The following ANKHD1 variants were observed in gnomAD, a reference collection of about 807,000 sequenced individuals.
ANKHD1 encodes ankyrin repeat and KH domain containing 1.
In ANKHD1, 31 loss-of-function variants were observed where a neutral mutation model predicts 230.5. That is an observed-to-expected ratio of 0.13 (90% CI 0.10 to 0.18). The LOEUF is 0.18. Ranked by LOEUF, ANKHD1 falls within the 10% of genes least tolerant of loss-of-function variation. The pLI is 1.00. For missense variants in ANKHD1, 2,256 were observed against 3,071.3 expected (o/e 0.73, Z 6.27); for synonymous variants, 1,074 against 1,117.6 (o/e 0.96, Z 0.78).
rs529856547 is a variant in ANKHD1, at chr5:140,451,555, C to T, written c.1242+2250C>T. ...TGAGACAGGGTCTCTATCATTCAGG[C>T]TGGGTGCAGTGGCGTGATCTTGGCT... On this transcript the variant is annotated intron_variant, in intron 7 of 33. Coordinates refer to ENST00000360839, the MANE Select transcript of ANKHD1 (RefSeq NM_017747.3). Among the ~76,000 whole-genome samples, 105 of 152,250 alleles carry T rather than the reference C, an allele frequency of 6.9e-4. 2 individuals carry two copies. In the South Asian group the frequency reaches 0.016, roughly 23 times the overall value.
intron 7 of ANKHD1, among the ~76,000 whole-genome samples, chr5:140,458,161 T>C (rs1445563022): frequency 6.6e-6 from 1 of 152,198 alleles, no homozygotes; most frequent in Non-Finnish European, 1.5e-5. Context: ...TGTTGTGTTA[T>C]TTTTTGCCAT....
At chr5:140,518,102 G>A (rs936708325) in intron 24 of ANKHD1, among the ~76,000 whole-genome samples, 4 of 152,034 alleles carry the variant, frequency 2.6e-5, no homozygotes, top group African/African-American at 9.7e-5. Context: ...ATGATAAAGG[G>A]GATATCACCA....
chr5:140,528,117 GTTA>G, intron 28 of ANKHD1, 64 bp from the exon 29 acceptor site: 3 of 1,534,992 alleles, frequency 2.0e-6, no homozygotes, highest in Non-Finnish European at 2.6e-6. Flanking sequence ...TTATTTGATG[GTTA>G]AGATTACCTT....
At chr5:140,503,897 A>G (rs903615489) in intron 15 of ANKHD1, among the ~76,000 whole-genome samples, 2 of 151,970 alleles carry the variant, frequency 1.3e-5, no homozygotes, top group East Asian at 3.9e-4. Flanking sequence ...TTCAAACCAC[A>G]TTTTGAGATC....
intron 20 of ANKHD1, among the ~76,000 whole-genome samples, chr5:140,508,557 C>T (rs1399272729): frequency 6.6e-6 from 1 of 151,972 alleles, no homozygotes; most frequent in African/African-American, 2.4e-5. Flanking sequence ...AGTTTGAGAC[C>T]AGCCTGACCA....
intron 1 of ANKHD1, among the ~76,000 whole-genome samples, chr5:140,434,153 A>C (rs927392148): frequency 2.0e-5 from 3 of 152,136 alleles, no homozygotes; most frequent in South Asian, 4.1e-4. Context: ...CCATTGTGAA[A>C]ATTGATGACC....
intron 10 of ANKHD1, 134 bp downstream of exon 10, chr5:140,464,910 C>A: frequency 1.2e-6 from 1 of 852,474 alleles, no homozygotes; most frequent in Non-Finnish European, 1.7e-6. Context: ...GCTACCTGTT[C>A]TAGTTGTTGT....
intron 11 of ANKHD1, among the ~76,000 whole-genome samples, chr5:140,483,862 T>A (rs189248630): frequency 1.3e-5 from 2 of 152,204 alleles, no homozygotes; most frequent in African/African-American, 4.8e-5. Flanking sequence ...TATCTTTACA[T>A]AATATAGTCT....
intron 29 of ANKHD1, 59 bp downstream of exon 29, chr5:140,529,855 T>C: frequency 6.4e-7 from 1 of 1,564,530 alleles, no homozygotes; most frequent in Non-Finnish European, 8.6e-7. Flanking sequence ...AATCTCACCT[T>C]AAGTGGACAA....
chr5:140,419,468 T>G (rs1201793677), intron 1 of ANKHD1, among the ~76,000 whole-genome samples: 11 of 148,016 alleles, frequency 7.4e-5, no homozygotes, highest in Non-Finnish European at 1.3e-4. Flanking sequence ...TTTTTTTTTT[T>G]TTTTTGTTTT....
At chr5:140,427,461 G>A (rs1184136129) in intron 1 of ANKHD1, among the ~76,000 whole-genome samples, 17 of 124,166 alleles carry the variant, frequency 1.4e-4, no homozygotes, top group Non-Finnish European at 2.2e-4. Context: ...GCGGCTGGCC[G>A]GGCAGAGGGG....
intron 14 of ANKHD1, among the ~76,000 whole-genome samples, chr5:140,494,469 T>C (rs1251411006): frequency 6.6e-6 from 1 of 152,112 alleles, no homozygotes; most frequent in East Asian, 1.9e-4. Flanking sequence ...AAATTGAATA[T>C]AGACAGTGTA....
At chr5:140,433,585 G>A (rs1773223032) in intron 1 of ANKHD1, among the ~76,000 whole-genome samples, 1 of 152,010 alleles carries the variant, frequency 6.6e-6, no homozygotes, top group African/African-American at 2.4e-5. Context: ...TCTCTTTGAG[G>A]CCTTTTGTAA....
At chr5:140,457,775 G>C (rs1316470843) in intron 7 of ANKHD1, among the ~76,000 whole-genome samples, 1 of 151,624 alleles carries the variant, frequency 6.6e-6, no homozygotes, top group Non-Finnish European at 1.5e-5. Flanking sequence ...AACGGATGCA[G>C]CACACCAACA....
intron 7 of ANKHD1, 125 bp downstream of exon 7, chr5:140,449,430 C>CT: frequency 9.2e-7 from 1 of 1,089,084 alleles, no homozygotes; most frequent in Non-Finnish European, 1.3e-6. Context: ...TTTGAGAGGC[C>CT]AAGTCGGGCG....
rs1368089121 is a variant in ANKHD1, at chr5:140,512,609, T to TA, written c.4105-219_4105-218insA. Among the ~76,000 whole-genome samples, 21 of 152,188 alleles carry TA rather than the reference T, an allele frequency of 1.4e-4. 1 individual carries two copies. The highest frequency in any genetic ancestry group is 1.2e-3 in the Admixed American group (19 of 15,278). ...GCACACATTCTTGTCTTTTATGCCT[T>TA]TCTTTTTATAAGCTGAATGCTGATC... On this transcript the variant is annotated intron_variant, in intron 22 of 33. Transcript: ENST00000360839.
chr5:140,486,876 T>TA (rs1205886096), intron 13 of ANKHD1, 82 bp from the exon 14 acceptor site: 1 of 1,409,402 alleles, frequency 7.1e-7, no homozygotes, highest in East Asian at 2.4e-5. Flanking sequence ...GAAGATAACC[T>TA]AAAACAGGAT....
At chr5:140,505,929 T>C (rs1752515110) in intron 18 of ANKHD1, 60 bp downstream of exon 18, 1 of 1,522,620 alleles carries the variant, frequency 6.6e-7, no homozygotes, top group African/African-American at 1.4e-5. Context: ...AATATGCATA[T>C]GATTCGTATT....
chr5:140,526,932 G>A lies in ANKHD1; in HGVS notation c.4945G>A (p.Glu1649Lys), dbSNP rs988675911. Residue 1649 changes from glutamate to lysine, a missense_variant, in exon 27 of 34, where the codon GAA (glutamate) becomes AAA (lysine). Around this residue, in one of 13 missense-constraint regions of ANKHD1, gnomAD observed 212 missense variants for 257.3 expected, o/e 0.82. Transcript: ENST00000360839. ...TATSKTQTRL[E>K]GEVTPNSLST... is the part of the protein sequence containing the mutation. ...TTGCTATTTGTCTCTTCTTAGACTT[G>A]AAGGTGAAGTGACTCCTAATTCCTT... 1.2e-6 allele frequency: 2 copies of A among 1,608,852 alleles called. No individual in the cohort carries two copies. Among genetic ancestry groups the A allele is most frequent in the Non-Finnish European group, 1.7e-6 (2 of 1,178,372 alleles).
Sources: gnomAD v4.1 joint callset for allele counts (sites outside exome capture counted in the v4.1 genomes callset) on GRCh38, gnomAD v4.1.1 for gene constraint, gnomAD v4.1.1 regional missense constraint, MANE v1.5 for transcripts, NCBI Gene and HGNC (gene_info 2026-07-23, HGNC 2026-07-21) for gene names.